Variants in COL9A1 observed in about 807,000 individuals in gnomAD.
COL9A1 encodes collagen type IX alpha 1 chain.
A neutral mutation model predicts 142.6 loss-of-function variants in COL9A1; 104 were observed. That is an observed-to-expected ratio of 0.73 (90% CI 0.62 to 0.86). The LOEUF is 0.86. COL9A1 is among the 40% of genes least tolerant of loss of function. The pLI is 0.00. For missense variants in COL9A1, 1,210 were observed against 1,176.6 expected, an observed-to-expected ratio of 1.03 and a Z score of -0.42; for synonymous variants, 466 against 396.0, an observed-to-expected ratio of 1.18 and a Z score of -2.10.
intron 7 of COL9A1, 90 bp downstream of exon 7, chr6:70,282,808 G>A: frequency 1.9e-6 from 3 of 1,592,274 alleles, no homozygotes; most frequent in Non-Finnish European, 2.6e-6. Context: ...GGGATGCTCC[G>A]CGCCTTTCTC....
intron 10 of COL9A1, among the ~76,000 whole-genome samples, chr6:70,278,257 C>T (rs1772896873): frequency 6.6e-6 from 1 of 152,158 alleles, no homozygotes; most frequent in Non-Finnish European, 1.5e-5. Flanking sequence ...GCTATTCTCT[C>T]TCATCTATTA....
intron 28 of COL9A1, among the ~76,000 whole-genome samples, chr6:70,248,715 A>G (rs1382519553): frequency 6.6e-6 from 1 of 152,192 alleles, no homozygotes; most frequent in African/African-American, 2.4e-5. Flanking sequence ...AGGATTTATT[A>G]CGCCTCCGAT....
chr6:70,278,103 C>G (rs1385777537), intron 10 of COL9A1, among the ~76,000 whole-genome samples: 2 of 152,050 alleles, frequency 1.3e-5, no homozygotes, highest in Non-Finnish European at 2.9e-5. Context: ...GGCTTAAATT[C>G]AAAAGTCAGG....
chr6:70,287,675 T>A (rs1773510066), intron 5 of COL9A1, among the ~76,000 whole-genome samples: 1 of 152,210 alleles, frequency 6.6e-6, no homozygotes, highest in Admixed American at 6.5e-5. Flanking sequence ...GGGCTTTCAC[T>A]CCCAACACTC....
chr6:70,302,872 T>C lies in COL9A1; in HGVS notation c.14+39A>G, dbSNP rs2242588. 0.18 allele frequency: 296,329 copies of C among 1,608,776 alleles called. 28,868 individuals are homozygous for C. Among genetic ancestry groups the C allele is most frequent in the African/African-American group, 0.34 (25,294 of 74,720 alleles). ...ACCCTTGGTTCTGAGGACCCCCAGC[T>C]CCATCTCCCCACCACTCTTTCCAGG... On this transcript the variant is annotated intron_variant, in intron 1 of 37. Transcript: ENST00000357250.
intron 35 of COL9A1, 78 bp from the exon 36 acceptor site, chr6:70,232,849 A>G: frequency 7.0e-7 from 1 of 1,430,648 alleles, no homozygotes; most frequent in Non-Finnish European, 9.6e-7. Flanking sequence ...GGTATTCCAA[A>G]TGCCTTTTTT....
intron 10 of COL9A1, among the ~76,000 whole-genome samples, chr6:70,275,356 C>A (rs1046697246): frequency 3.9e-5 from 6 of 152,062 alleles, no homozygotes; most frequent in Non-Finnish European, 7.4e-5. Flanking sequence ...AATATTAATT[C>A]TTAAAGTAGA....
chr6:70,243,174 A>T (rs1257091824), intron 28 of COL9A1, among the ~76,000 whole-genome samples: 1 of 152,268 alleles, frequency 6.6e-6, no homozygotes, highest in African/African-American at 2.4e-5. Flanking sequence ...AAAGAAACAC[A>T]TAATAGATAT....
At chr6:70,276,271 C>T (rs1440347224) in intron 10 of COL9A1, among the ~76,000 whole-genome samples, 1 of 152,104 alleles carries the variant, frequency 6.6e-6, no homozygotes, top group African/African-American at 2.4e-5. Flanking sequence ...CAGGAGCACT[C>T]TCTGGATGCA....
intron 37 of COL9A1, among the ~76,000 whole-genome samples, chr6:70,223,387 T>A (rs78737155): frequency 0.039 from 5,967 of 152,368 alleles, 162 homozygotes; most frequent in Non-Finnish European, 0.06. Context: ...GTTATCACTG[T>A]TTTATAAATG....
rs1476870232 is a variant in COL9A1 at position 70,225,970 on chromosome 6, C to T, written c.2543G>A (p.Arg848Lys). 7 of 1,613,952 alleles carry T rather than the reference C, an allele frequency of 4.3e-6. No individual in the cohort carries two copies. The highest frequency in any genetic ancestry group is 5.9e-6 in the Non-Finnish European group (7 of 1,180,000). Reference sequence around the variant, plus strand: ...AGCTCCAGGCAAACCGTTGGGACCTCTTCCTGGAGGGCCACGCTCCCCCTT... The same window carrying T: ...AGCTCCAGGCAAACCGTTGGGACCTTTTCCTGGAGGGCCACGCTCCCCCTT... ...GEKGERGPPG[R>K]GPNGLPGAIG... Residue 848 changes from arginine to lysine, a missense_variant, in exon 37 of 38, where the codon AGA becomes AAA. Coordinates refer to ENST00000357250, the MANE Select transcript of COL9A1 (RefSeq NM_001851.6).
At chr6:70,259,349 G>A (rs1322068255) in intron 20 of COL9A1, among the ~76,000 whole-genome samples, 3 of 152,068 alleles carry the variant, frequency 2.0e-5, no homozygotes, top group Non-Finnish European at 4.4e-5. Flanking sequence ...ATGAGGTCAG[G>A]GTCAGAAGTG....
chr6:70,285,274 G>A (rs1296244500), intron 5 of COL9A1, among the ~76,000 whole-genome samples: 1 of 152,146 alleles, frequency 6.6e-6, no homozygotes, highest in East Asian at 1.9e-4. Context: ...CATAGATCAA[G>A]AGTTTCTGAA....
chr6:70,268,612 G>T (rs1772187793), intron 17 of COL9A1, among the ~76,000 whole-genome samples, 192 bp downstream of exon 17: 1 of 152,170 alleles, frequency 6.6e-6, no homozygotes, highest in African/African-American at 2.4e-5. Context: ...GCCATCCTAT[G>T]ATTAAACCTC....
intron 36 of COL9A1, 108 bp from the exon 37 acceptor site, chr6:70,226,117 A>G: frequency 2.1e-6 from 2 of 974,844 alleles, no homozygotes; most frequent in Non-Finnish European, 3.1e-6. Flanking sequence ...AGGTCATGAA[A>G]TTGCCATAAA....
chr6:70,227,269 G>C (rs1014587510), intron 36 of COL9A1, among the ~76,000 whole-genome samples: 2 of 151,302 alleles, frequency 1.3e-5, no homozygotes, highest in African/African-American at 2.4e-5. Context: ...AAATATGAAG[G>C]GTTCCTAAAA....
chr6:70,269,491 G>A (rs1006942239), intron 16 of COL9A1, 142 bp downstream of exon 16: 13 of 666,548 alleles, frequency 2.0e-5, no homozygotes, highest in Admixed American at 9.4e-5. Context: ...GTCCACTAGC[G>A]TTACAGACTG....
chr6:70,300,309 CTG>C lies in COL9A1; in HGVS notation c.164_165del (p.Pro55ArgfsTer3). On this transcript the variant is annotated frameshift_variant and splice_region_variant, in exon 3 of 38. Coordinates refer to ENST00000357250, the MANE Select transcript of COL9A1 (RefSeq NM_001851.6). LOFTEE classifies it high-confidence loss of function. ...TTCAATAGGGTACATTGCTACTCAC[CTG>C]GTAAGTCATCTTGGCCAATCCTGAT... ...PKIRIGQDDLPGFDLISQFQV... is the reference protein window; with the variant it reads ...PKIRIGQDDLXGFDLISQFQV... 1.2e-6 allele frequency: 2 copies of C among 1,612,978 alleles called. No individual in the cohort carries two copies. Among genetic ancestry groups the C allele is most frequent in the South Asian group, 2.2e-5 (2 of 91,054 alleles).
chr6:70,294,098 G>C, intron 5 of COL9A1, 69 bp downstream of exon 5: 1 of 1,578,664 alleles, frequency 6.3e-7, no homozygotes, highest in South Asian at 1.1e-5. Context: ...TATCAAAGAT[G>C]CTTGAGATGT....
Sources: allele counts gnomAD v4.1 joint callset (sites outside exome capture counted in the v4.1 genomes callset), GRCh38; gene constraint gnomAD v4.1.1; transcripts MANE v1.5; gene names NCBI Gene and HGNC (gene_info 2026-07-23, HGNC 2026-07-21).